Variants in GRXCR2 observed in about 807,000 individuals in gnomAD.
GRXCR2 encodes glutaredoxin domain-containing cysteine-rich protein 2.
Under a neutral mutation model 24.8 loss-of-function variants are expected in GRXCR2, and 23 were observed. The observed-to-expected ratio is 0.93, with a 90% CI of 0.67 to 1.32. The LOEUF (loss-of-function observed/expected upper bound fraction) is 1.32. Ranked by LOEUF, GRXCR2 falls within the 40% of genes most tolerant of loss-of-function variation. The pLI, the probability that GRXCR2 is intolerant of heterozygous loss-of-function variation, is 0.00. For missense variants in GRXCR2, 315 were observed against 303.4 expected, an observed-to-expected ratio of 1.04 and a Z score of -0.28; for synonymous variants, 130 against 116.1, an observed-to-expected ratio of 1.12 and a Z score of -0.77.
At chr5:145,864,353 A>G (rs1364821431) in intron 2 of GRXCR2, among the ~76,000 whole-genome samples, 4 of 152,190 alleles carry the variant, frequency 2.6e-5, no homozygotes, top group African/African-American at 9.7e-5. Context: ...AGCAGAGGCC[A>G]GGCTACACAG....
chr5:145,917,601 C>T (rs1757259966), intron 2 of GRXCR2, among the ~76,000 whole-genome samples: 2 of 152,020 alleles, frequency 1.3e-5, no homozygotes, highest in Non-Finnish European at 2.9e-5. Flanking sequence ...TGAGGAATGA[C>T]CCCAGAGGTG....
chr5:145,859,734 T>C lies in GRXCR2; in HGVS notation c.746A>G (p.Ter249TrpextTer14). 1.2e-6 allele frequency: 2 copies of C among 1,614,066 alleles called. No individual in the cohort carries two copies. The highest frequency in any genetic ancestry group is 8.5e-7 in the Non-Finnish European group (1 of 1,179,964). The change falls in exon 3 of 3, where the codon TAG becomes TGG. Residue 249 changes from the stop codon to tryptophan, a stop_lost. Coordinates refer to ENST00000377976, the MANE Select transcript of GRXCR2 (RefSeq NM_001080516.2). Reference protein sequence around the residue: ...GLQPCQICNQ* With the variant: ...GLQPCQICNQW ...CAGTGGACATGCAAAAGCCACGGGCTATTGATTGCAAATCTGGCAAGGCTG... is the reference window on the plus strand; with the variant it reads ...CAGTGGACATGCAAAAGCCACGGGCCATTGATTGCAAATCTGGCAAGGCTG...
intron 2 of GRXCR2, among the ~76,000 whole-genome samples, chr5:145,894,896 G>C (rs1254121472): frequency 1.3e-5 from 2 of 152,050 alleles, no homozygotes; most frequent in Non-Finnish European, 2.9e-5. Flanking sequence ...ATAAAATACT[G>C]GCAAACCAAA....
chr5:145,887,669 T>C lies in GRXCR2; in HGVS notation c.-69-20941A>G, dbSNP rs75086843. 4.1e-4 allele frequency among the ~76,000 whole-genome samples: 62 copies of C among 152,340 alleles called. No individual in the cohort carries two copies. The East Asian group carries it at 7.9e-3, about 19-fold the overall frequency. On this transcript the variant is annotated intron_variant, in intron 2 of 3. Coordinates refer to the GRXCR2 transcript ENST00000639411. ...CTGTTTCTCTATTTATTTTATTTTA[T>C]TAGTGGGAGTGGGGAGCTTAGCTTT...
chr5:145,875,149 G>T (rs76119043), upstream of GRXCR2, among the ~76,000 whole-genome samples: 2,901 of 152,276 alleles, frequency 0.019, 54 homozygotes, highest in Non-Finnish European at 0.027. Flanking sequence ...TTATCAAAGT[G>T]CCCAGTACAT....
chr5:145,869,863 T>C (rs1447916372), intron 1 of GRXCR2, among the ~76,000 whole-genome samples: 1 of 152,110 alleles, frequency 6.6e-6, no homozygotes, highest in East Asian at 1.9e-4. Flanking sequence ...GGCCTGAGCT[T>C]CTTATGTGTT....
rs944533814 is a variant in GRXCR2 at position 145,859,393 on chromosome 5, T to C, written c.*340A>G. The C allele has an allele frequency of 4.0e-6, 1 of 250,952 alleles. No homozygotes were observed. Among genetic ancestry groups the C allele is most frequent in the Non-Finnish European group, 7.7e-6 (1 of 130,572 alleles). The allele number at this position is 250,952 out of a possible 1,614,324, so 15.5% of individuals were successfully genotyped here. The stretch of plus-strand genomic sequence containing the variant: ...TCACCACATAATTTTGCAAAATAAC[T>C]CCCAACCTGATGCCTGAAGTGTACA... On this transcript the variant is annotated 3_prime_UTR_variant, in exon 3 of 3. Coordinates refer to ENST00000377976, the MANE Select transcript of GRXCR2 (RefSeq NM_001080516.2).
chr5:145,881,464 T>C (rs1019465710), intron 2 of GRXCR2, among the ~76,000 whole-genome samples: 11 of 152,242 alleles, frequency 7.2e-5, no homozygotes, highest in Non-Finnish European at 1.0e-4. Context: ...GAATCCAACT[T>C]ACAAGGGATG....
At position 145,889,009 on chromosome 5, in the gene GRXCR2, A is replaced by G. The variant is rs555570654; in HGVS notation, c.-69-22281T>C. ...GCCAACATGGTGAAACCCTGTCTCT[A>G]CTAAAAATATAAAAACTAGCCGGGC... On this transcript the variant is annotated intron_variant, in intron 2 of 3. Coordinates refer to the GRXCR2 transcript ENST00000639411. Among the ~76,000 whole-genome samples the G allele has an allele frequency of 5.9e-5, 9 of 152,056 alleles. No homozygotes were observed. The East Asian group carries it at 1.6e-3, about 26-fold the overall frequency.
Position 145,859,800 on chromosome 5 carries a change from T to G in GRXCR2, c.680A>C (p.Tyr227Ser). Residue 227 changes from tyrosine to serine, a missense_variant, in exon 3 of 3, where the codon TAT (tyrosine) becomes TCT (serine). Physicochemically the swap from Tyr to Ser is moderately radical, Grantham distance 144. Transcript: ENST00000377976. Reference protein sequence around the residue: ...SMLANRFKESYRALRCPACNE... With the variant: ...SMLANRFKESSRALRCPACNE... ...GCAGGCAGGGCACCTCAGGGCCCGA[T>G]AGGACTCCTTAAATCTGTTGGCCAG... The G allele has an allele frequency of 6.2e-7, 1 of 1,614,202 alleles. No individual in the cohort carries two copies. The highest frequency in any genetic ancestry group is 8.5e-7 in the Non-Finnish European group (1 of 1,180,026).
Position 145,883,324 on chromosome 5 carries a change from G to A in GRXCR2, c.-69-16596C>T, listed in dbSNP as rs1034147046. ...TATTTTTCTAAATTTTCCATAATGA[G>A]CAAGTACTAATTTTAATATTAAAAT... On this transcript the variant is annotated intron_variant, in intron 2 of 3. Transcript: ENST00000639411. 2.0e-5 allele frequency among the ~76,000 whole-genome samples: 3 copies of A among 151,946 alleles called. No individual in the cohort carries two copies. The South Asian group carries it at 6.2e-4, about 32-fold the overall frequency.
chr5:145,867,430 C>T (rs538130225), intron 1 of GRXCR2, among the ~76,000 whole-genome samples: 1 of 152,192 alleles, frequency 6.6e-6, no homozygotes, highest in Non-Finnish European at 1.5e-5. Flanking sequence ...AATATATACT[C>T]TGTTGCAACC....
rs139908586 is a variant in GRXCR2, at chr5:145,881,568, G to T, written c.-69-14840C>A. 6.3e-3 allele frequency among the ~76,000 whole-genome samples: 960 copies of T among 152,308 alleles called. 9 individuals carry two copies. Among genetic ancestry groups the T allele is most frequent in the African/African-American group, 0.022 (909 of 41,572 alleles). ...AAGAACATCCCATGCTCATGGATAG[G>T]AAGAATCAATATTGTGAAAATGGCC... is the stretch of plus-strand genomic sequence containing the variant. On this transcript the variant is annotated intron_variant, in intron 2 of 3. Transcript: ENST00000639411.
intron 2 of GRXCR2, among the ~76,000 whole-genome samples, chr5:145,898,211 T>C (rs1485524033): frequency 6.7e-6 from 1 of 150,308 alleles, no homozygotes; most frequent in African/African-American, 2.5e-5. Flanking sequence ...AACTAGAAAA[T>C]GTAGAGCAAA....
intron 2 of GRXCR2, among the ~76,000 whole-genome samples, chr5:145,914,885 T>A (rs1020869158): frequency 1.3e-5 from 2 of 152,146 alleles, no homozygotes; most frequent in Non-Finnish European, 2.9e-5. Context: ...CACCCGACAA[T>A]GGAGCTTTTT....
intron 2 of GRXCR2, among the ~76,000 whole-genome samples, chr5:145,903,183 G>A (rs994394142): frequency 1.2e-4 from 19 of 152,220 alleles, no homozygotes; most frequent in African/African-American, 3.4e-4. Flanking sequence ...CTTGGGTAAC[G>A]TGCTTAACCT....
At chr5:145,874,111 T>A (rs566986706), upstream of GRXCR2, among the ~76,000 whole-genome samples, 1 of 152,314 alleles carries the variant, frequency 6.6e-6, no homozygotes, top group South Asian at 2.1e-4. Context: ...CTCCCTGTCT[T>A]TGCTACCAGC....
chr5:145,881,656 T>C (rs973834230), intron 2 of GRXCR2, among the ~76,000 whole-genome samples: 2 of 152,154 alleles, frequency 1.3e-5, no homozygotes, highest in Non-Finnish European at 2.9e-5. Flanking sequence ...CTTCACAGAA[T>C]TGGAAAAAAC....
At chr5:145,887,283 A>G (rs1756791584) in intron 2 of GRXCR2, among the ~76,000 whole-genome samples, 1 of 152,130 alleles carries the variant, frequency 6.6e-6, no homozygotes, top group South Asian at 2.1e-4. Context: ...TTTTTTATAG[A>G]CATAGTGTCT....
Sources: gnomAD v4.1 joint callset for allele counts (sites outside exome capture counted in the v4.1 genomes callset) on GRCh38, gnomAD v4.1.1 for gene constraint, MANE v1.5 for transcripts, NCBI Gene and HGNC (gene_info 2026-07-23, HGNC 2026-07-21) for gene names.